The following SNX18 variants were observed in gnomAD, a reference collection of about 807,000 sequenced individuals.
SNX18 encodes sorting nexin-18.
SNX18 carries 35 observed loss-of-function variants against 48.7 expected under a neutral mutation model. That is an observed-to-expected ratio of 0.72 (90% CI 0.55 to 0.95). The LOEUF is 0.95. Among genes scored for constraint, SNX18 ranks in the 40% least tolerant of loss-of-function variants. The pLI, the probability that SNX18 is intolerant of heterozygous loss-of-function variation, is 0.00. For synonymous variants in SNX18, 492 were observed against 384.7 expected (o/e 1.28, Z -3.26); for missense variants, 824 against 871.0 (o/e 0.95, Z 0.68).
At position 54,518,459 on chromosome 5, in the gene SNX18, C is replaced by A; in HGVS notation, c.507C>A (p.Gly169=). The change falls in exon 1 of 2, where the codon GGC becomes GGA. Residue 169 remains glycine (G), a synonymous_variant. Coordinates refer to ENST00000381410, the MANE Select transcript of SNX18 (RefSeq NM_001102575.2). ...DDSSTVADEP[G]ALGSGAYPDL... ...GCTCCACGGTGGCGGACGAGCCGGG[C>A]GCTCTGGGCAGCGGAGCATACCCGG... 1 of 1,571,304 alleles carries A rather than the reference C, an allele frequency of 6.4e-7. No homozygotes were observed. Among genetic ancestry groups the A allele is most frequent in the Non-Finnish European group, 8.6e-7 (1 of 1,159,202 alleles).
chr5:54,609,909 T>C, the SNX18 span, among the ~76,000 whole-genome samples: 1 of 152,060 alleles, frequency 6.6e-6, no homozygotes, highest in Non-Finnish European at 1.5e-5. Context: ...ATCTGCTTGG[T>C]ACTGTCCTTG....
At chr5:54,637,147 A>C in the SNX18 span, among the ~76,000 whole-genome samples, 1 of 152,176 alleles carries the variant, frequency 6.6e-6, no homozygotes, top group African/African-American at 2.4e-5. Flanking sequence ...TCTTGAAAAG[A>C]CCAAGAATAC....
At chr5:54,635,717 T>G in the SNX18 span, among the ~76,000 whole-genome samples, 1 of 152,090 alleles carries the variant, frequency 6.6e-6, no homozygotes, top group Non-Finnish European at 1.5e-5. Context: ...ATGGGGAGAG[T>G]TGGCTGACTT....
intron 1 of SNX18, among the ~76,000 whole-genome samples, chr5:54,523,997 C>T (rs1762081097): frequency 6.6e-6 from 1 of 152,212 alleles, no homozygotes; most frequent in African/African-American, 2.4e-5. Flanking sequence ...TTTGAAACCT[C>T]TGGGCTAGAA....
the SNX18 span, among the ~76,000 whole-genome samples, chr5:54,615,078 G>T: frequency 6.6e-6 from 1 of 152,172 alleles, no homozygotes; most frequent in African/African-American, 2.4e-5. Context: ...TATAGATGGA[G>T]GGGATGTTCA....
chr5:54,610,329 C>T, the SNX18 span, among the ~76,000 whole-genome samples: 1 of 152,156 alleles, frequency 6.6e-6, no homozygotes, highest in Non-Finnish European at 1.5e-5. Context: ...AAACCTCACA[C>T]CACTGAACAT....
chr5:54,525,871 C>T (rs2548606), intron 1 of SNX18, among the ~76,000 whole-genome samples: 36,168 of 151,996 alleles, frequency 0.24, 4,805 homozygotes, highest in East Asian at 0.43. Flanking sequence ...GACTGTTTTA[C>T]GGGAGCATGA....
chr5:54,620,813 C>G, the SNX18 span, among the ~76,000 whole-genome samples: 6 of 152,212 alleles, frequency 3.9e-5, no homozygotes, highest in African/African-American at 1.4e-4. Flanking sequence ...TCCCTCTTGG[C>G]TGGCAGGTGG....
chr5:54,602,920 C>A, the SNX18 span, among the ~76,000 whole-genome samples: 1 of 152,256 alleles, frequency 6.6e-6, no homozygotes, highest in East Asian at 1.9e-4. Context: ...AACTGCCTGA[C>A]CATCACCTGA....
At chr5:54,551,200 G>A (rs921999853), downstream of SNX18, among the ~76,000 whole-genome samples, 1 of 152,194 alleles carries the variant, frequency 6.6e-6, no homozygotes, top group African/African-American at 2.4e-5. Context: ...TGTTTGGACA[G>A]TGGACTCAAT....
At chr5:54,571,123 CTG>C in the SNX18 span, among the ~76,000 whole-genome samples, 2 of 152,034 alleles carry the variant, frequency 1.3e-5, no homozygotes, top group Non-Finnish European at 2.9e-5. Flanking sequence ...AGGAGGCCTC[CTG>C]TGTTTTTTTT....
chr5:54,610,520 C>T, the SNX18 span, among the ~76,000 whole-genome samples: 2 of 152,194 alleles, frequency 1.3e-5, no homozygotes, highest in Non-Finnish European at 2.9e-5. Flanking sequence ...TTCCGCTCAG[C>T]CAAGATTGGA....
the SNX18 span, among the ~76,000 whole-genome samples, chr5:54,587,803 C>CTT: frequency 0.052 from 7,853 of 152,292 alleles, 265 homozygotes; most frequent in Non-Finnish European, 0.081. Flanking sequence ...CATTCTTTCA[C>CTT]TTTTGTGCAC....
chr5:54,634,180 G>A, the SNX18 span, among the ~76,000 whole-genome samples: 2 of 152,138 alleles, frequency 1.3e-5, no homozygotes, highest in African/African-American at 4.8e-5. Context: ...ACTTTTTCCA[G>A]CCAGAATTCC....
the SNX18 span, among the ~76,000 whole-genome samples, chr5:54,639,618 C>T: frequency 0.046 from 6,932 of 152,028 alleles, 211 homozygotes; most frequent in Non-Finnish European, 0.071. Context: ...TCACGAGAAT[C>T]TTGAGGACCA....
At chr5:54,551,921 C>T in the SNX18 span, among the ~76,000 whole-genome samples, 1 of 152,144 alleles carries the variant, frequency 6.6e-6, no homozygotes, top group Non-Finnish European at 1.5e-5. Context: ...CCTAAATTGC[C>T]CTCTATGAAA....
Position 54,518,848 on chromosome 5 carries a change from A to G in SNX18, c.896A>G (p.Lys299Arg), listed in dbSNP as rs1192190201. ...FKGMKSYISY[K>R]LVPTHTQVPV... The stretch of plus-strand genomic sequence containing the variant: ...GGCATGAAGAGCTACATCTCCTACA[A>G]GCTGGTGCCCACGCACACGCAGGTG... Residue 299 changes from lysine to arginine, a missense_variant, in exon 1 of 2, where the codon AAG becomes AGG. By Grantham distance (26) the Lys-to-Arg change is conservative (BLOSUM62 2). Around this residue, in one of 3 missense-constraint regions of SNX18, gnomAD observed 443 missense variants for 503.6 expected, o/e 0.88. Coordinates refer to ENST00000381410, the MANE Select transcript of SNX18 (RefSeq NM_001102575.2). 10 of 1,612,134 alleles carry G rather than the reference A, an allele frequency of 6.2e-6. No individual in the cohort carries two copies. Among genetic ancestry groups the G allele is most frequent in the Admixed American group, 1.7e-5 (1 of 59,850 alleles).
downstream of SNX18, among the ~76,000 whole-genome samples, chr5:54,548,979 C>G (rs1347127225): frequency 6.6e-6 from 1 of 152,194 alleles, no homozygotes; most frequent in Non-Finnish European, 1.5e-5. Flanking sequence ...CTTGCCATGC[C>G]TAATACAATG....
chr5:54,608,484 C>T, the SNX18 span, among the ~76,000 whole-genome samples: 463 of 152,294 alleles, frequency 3.0e-3, 1 homozygote, highest in African/African-American at 9.3e-3. Context: ...AATCCTCCCA[C>T]CTTGGCCTCC....
Sources: gnomAD v4.1 joint callset for allele counts (sites outside exome capture counted in the v4.1 genomes callset) on GRCh38, gnomAD v4.1.1 for gene constraint, gnomAD v4.1.1 regional missense constraint, MANE v1.5 for transcripts, NCBI Gene and HGNC (gene_info 2026-07-23, HGNC 2026-07-21) for gene names.